Variants in RRBP1 observed in about 807,000 individuals in gnomAD.
The protein encoded by RRBP1 is ribosome-binding protein 1.
RRBP1 carries 94 observed loss-of-function variants against 165.2 expected under a neutral mutation model. The ratio of observed to expected loss-of-function variants is 0.57; its 90% confidence interval spans 0.48 to 0.68. The LOEUF is 0.68. RRBP1 is among the 30% of genes least tolerant of loss of function. The pLI, the probability that RRBP1 is intolerant of heterozygous loss-of-function variation, is 0.00. For missense variants in RRBP1, 1,676 were observed against 1,763.0 expected (o/e 0.95, Z 0.88); for synonymous variants, 680 against 714.5 (o/e 0.95, Z 0.77).
chr20:17,634,235 G>A (rs1461782885), intron 7 of RRBP1, among the ~76,000 whole-genome samples: 1 of 152,248 alleles, frequency 6.6e-6, no homozygotes, highest in Non-Finnish European at 1.5e-5. Context: ...AGCAGACGCT[G>A]CCTCAAGGCC....
intron 3 of RRBP1, among the ~76,000 whole-genome samples, chr20:17,652,755 G>A (rs943435097): frequency 2.6e-5 from 4 of 152,214 alleles, no homozygotes; most frequent in East Asian, 1.9e-4. Context: ...AGTGGGGGCC[G>A]CCGCAGCCTT....
rs77143749 is a variant in RRBP1, at chr20:17,643,190, A to G, written c.1913-63T>C. Reference sequence around the variant, plus strand: ...ATAAGCCACAACACACGTGGCCACAATGCCCATCACACCAAGAAGGTTCTG... The same window carrying G: ...ATAAGCCACAACACACGTGGCCACAGTGCCCATCACACCAAGAAGGTTCTG... On this transcript the variant is annotated intron_variant, in intron 3 of 24. Transcript: ENST00000377813. This position sits in a 1 kb window ranked among gnomAD's most constrained non-coding sequence, Gnocchi z 4.3. The G allele has an allele frequency of 8.0e-4, 1,241 of 1,544,230 alleles. 16 individuals are homozygous for G. In the African/African-American group the frequency reaches 0.014, roughly 18 times the overall value.
intron 7 of RRBP1, among the ~76,000 whole-genome samples, chr20:17,634,603 GGC>G (rs2036213689): frequency 9.8e-5 from 15 of 152,356 alleles, no homozygotes; most frequent in Admixed American, 9.8e-4. Context: ...CTTCTGGACT[GGC>G]AGGGCCACTG....
chr20:17,660,910 G>T (rs1197562822), intron 2 of RRBP1, among the ~76,000 whole-genome samples: 1 of 152,218 alleles, frequency 6.6e-6, no homozygotes, highest in Non-Finnish European at 1.5e-5. Context: ...GAGTGGTGGA[G>T]ACTGTAGTAA....
At chr20:17,648,521 G>A (rs1458519544) in intron 3 of RRBP1, among the ~76,000 whole-genome samples, 2 of 152,208 alleles carry the variant, frequency 1.3e-5, no homozygotes, top group Non-Finnish European at 2.9e-5. Flanking sequence ...TGCCACGAAC[G>A]GTCACATCCG....
At chr20:17,616,881 G>A (rs377270303) in intron 20 of RRBP1, 42 bp from the exon 21 acceptor site, 20 of 1,451,272 alleles carry the variant, frequency 1.4e-5, no homozygotes, top group Admixed American at 3.4e-5. Flanking sequence ...ACAGCCAGTC[G>A]CACACCCACC....
chr20:17,644,641 C>T (rs1267822395), intron 3 of RRBP1, among the ~76,000 whole-genome samples: 1 of 152,192 alleles, frequency 6.6e-6, no homozygotes, highest in African/African-American at 2.4e-5. Flanking sequence ...GCTGCAAGGA[C>T]ATTTCCCCCT....
At chr20:17,680,736 C>T (rs1219128384) in intron 1 of RRBP1, among the ~76,000 whole-genome samples, 1 of 152,048 alleles carries the variant, frequency 6.6e-6, no homozygotes, top group East Asian at 1.9e-4. Context: ...TGTGCAACTT[C>T]TGCAGCCCCG....
At chr20:17,647,290 C>G (rs969368285) in intron 3 of RRBP1, among the ~76,000 whole-genome samples, 2 of 152,232 alleles carry the variant, frequency 1.3e-5, no homozygotes, top group African/African-American at 2.4e-5. Flanking sequence ...CAAGGGGGAC[C>G]TGGAGAACAA....
At chr20:17,681,818 G>A (rs1007589487) in intron 1 of RRBP1, among the ~76,000 whole-genome samples, 9 of 150,272 alleles carry the variant, frequency 6.0e-5, no homozygotes, top group African/African-American at 1.7e-4. Context: ...CCCTGCCTAC[G>A]CCCCGGTACG....
At chr20:17,681,592 C>T (rs1334881806) in intron 1 of RRBP1, among the ~76,000 whole-genome samples, 1 of 149,094 alleles carries the variant, frequency 6.7e-6, no homozygotes, top group African/African-American at 2.4e-5. Flanking sequence ...CAACGTCATC[C>T]GGCGGCTTCC....
chr20:17,659,617 G>C lies in RRBP1; in HGVS notation c.891C>G (p.Asn297Lys). 1 of 1,547,022 alleles carries C rather than the reference G, an allele frequency of 6.5e-7. No individual in the cohort carries two copies. Among genetic ancestry groups the C allele is most frequent in the Non-Finnish European group, 8.7e-7 (1 of 1,145,792 alleles). ...TQGRKAEGAQ[N>K]QAKKVEGAQN... is the part of the protein sequence containing the mutation. Reference sequence around the variant, plus strand: ...GGGCCCCTTCTACCTTTTTGGCCTGGTTCTGAGCCCCCTCGGCCTTTCTGC... The same window carrying C: ...GGGCCCCTTCTACCTTTTTGGCCTGCTTCTGAGCCCCCTCGGCCTTTCTGC... The change falls in exon 3 of 25, where the codon AAC (asparagine) becomes AAG (lysine). Residue 297 changes from asparagine to lysine, a missense_variant. Coordinates refer to ENST00000377813, the MANE Select transcript of RRBP1 (RefSeq NM_001365613.2).
intron 20 of RRBP1, 121 bp from the exon 21 acceptor site, chr20:17,616,960 G>A: frequency 1.2e-6 from 1 of 837,174 alleles, no homozygotes; most frequent in Non-Finnish European, 1.9e-6. Context: ...CCCTTCAGGG[G>A]ACCTGGCTTG....
intron 3 of RRBP1, among the ~76,000 whole-genome samples, chr20:17,657,345 T>C (rs1322462104): frequency 6.6e-6 from 1 of 152,190 alleles, no homozygotes; most frequent in Non-Finnish European, 1.5e-5. Context: ...AGGGGGCTGC[T>C]GCCCCAGCAA....
chr20:17,631,707 G>A (rs565710520), intron 8 of RRBP1, among the ~76,000 whole-genome samples: 2 of 152,354 alleles, frequency 1.3e-5, no homozygotes, highest in South Asian at 2.1e-4. Flanking sequence ...CCAAGAGGCC[G>A]TCCGGGGAGA....
intron 21 of RRBP1, 101 bp from the exon 22 acceptor site, chr20:17,616,110 C>T (rs1401710714): frequency 5.2e-6 from 5 of 964,856 alleles, no homozygotes; most frequent in East Asian, 2.7e-5. Flanking sequence ...TTCTAGCTTC[C>T]CCTTTCCCTG....
chr20:17,625,172 G>C (rs1372063790), intron 12 of RRBP1, among the ~76,000 whole-genome samples: 1 of 152,110 alleles, frequency 6.6e-6, no homozygotes, highest in Non-Finnish European at 1.5e-5. Flanking sequence ...GCCACCTGCC[G>C]AGCTTCTACA....
intron 8 of RRBP1, 147 bp from the exon 9 acceptor site, chr20:17,630,108 G>T: frequency 1.2e-6 from 1 of 859,462 alleles, no homozygotes; most frequent in Non-Finnish European, 1.7e-6. Context: ...ATCCCTCGAG[G>T]CTCTAGAACC....
intron 2 of RRBP1, among the ~76,000 whole-genome samples, chr20:17,669,931 T>C (rs1753509519): frequency 6.6e-6 from 1 of 152,318 alleles, no homozygotes; most frequent in South Asian, 2.1e-4. Context: ...TTAATTCTTC[T>C]TGAATTTTTG....
Sources: allele counts gnomAD v4.1 joint callset (sites outside exome capture counted in the v4.1 genomes callset), GRCh38; gene constraint gnomAD v4.1.1; non-coding constraint Gnocchi (gnomAD v3.1); transcripts MANE v1.5; gene names NCBI Gene and HGNC (gene_info 2026-07-23, HGNC 2026-07-21).